The following HJURP variants were observed in gnomAD, a reference collection of about 807,000 sequenced individuals.
HJURP encodes the protein Holliday junction recognition protein, also known as 14-3-3-associated AKT substrate.
HJURP carries 49 observed loss-of-function variants against 72.0 expected under a neutral mutation model. The observed-to-expected ratio is 0.68, with a 90% CI of 0.54 to 0.86. The LOEUF is 0.86. Ranked by LOEUF, HJURP falls within the 40% of genes least tolerant of loss-of-function variation. The pLI is 0.00. For synonymous variants in HJURP, 357 were observed against 347.1 expected, an observed-to-expected ratio of 1.03 and a Z score of -0.32; for missense variants, 908 against 936.3, an observed-to-expected ratio of 0.97 and a Z score of 0.39.
At position 233,837,285 on chromosome 2, in the gene HJURP, AAAACAAAC is replaced by A. The variant is rs76861089; in HGVS notation, c.*284_*291del. ...TGGGCGATAGAGAGAGACTGTCTCA[AAAACAAAC>A]AAACAAACAAACAAACAAACAAATA... On this transcript the variant is annotated 3_prime_UTR_variant, in exon 9 of 9. Transcript: ENST00000411486. 0.23 allele frequency: 65,267 copies of A among 281,672 alleles called. 10,469 individuals carry two copies. Among genetic ancestry groups the A allele is most frequent in the South Asian group, 0.35 (7,231 of 20,722 alleles). 17.4% of individuals were successfully genotyped at this position (281,672 alleles called of 1,614,324 possible).
At chr2:233,852,668 A>C in intron 2 of HJURP, 48 bp from the exon 3 acceptor site, 2 of 1,369,078 alleles carry the variant, frequency 1.5e-6, no homozygotes, top group South Asian at 2.3e-5. Context: ...CTGAACGCTG[A>C]ACTTCTGCTC....
At position 233,837,383 on chromosome 2, in the gene HJURP, C is replaced by G. The variant is rs574959557; in HGVS notation, c.*194G>C. On this transcript the variant is annotated 3_prime_UTR_variant, in exon 9 of 9. Transcript: ENST00000411486. ...CCTATCAAAGAGAACCCTAAAAATTCTAATTGAGCAACTTTATTCACATAA... is the reference window on the plus strand; with the variant it reads ...CCTATCAAAGAGAACCCTAAAAATTGTAATTGAGCAACTTTATTCACATAA... 4.5e-5 allele frequency: 19 copies of G among 419,878 alleles called. No homozygotes were observed. Among genetic ancestry groups the G allele is most frequent in the African/African-American group, 3.0e-4 (14 of 46,772 alleles). 26.0% of individuals were successfully genotyped at this position (419,878 alleles called of 1,614,324 possible).
chr2:233,842,078 G>A lies in HJURP; in HGVS notation c.702C>T (p.Leu234=). 6.2e-7 allele frequency: 1 copy of A among 1,614,230 alleles called. No individual in the cohort carries two copies. Among genetic ancestry groups the A allele is most frequent in the Non-Finnish European group, 8.5e-7 (1 of 1,180,036 alleles). ...TGCTGCTACTGGTCTCTTGTAGGGA[G>A]AGGCTGTCATTTCTAGGTACTAAGG... The part of the protein sequence containing the change: ...DMALVPRNDS[L]SLQETSSSSF... The change falls in exon 8 of 9, where the codon CTC becomes CTT. Residue 234 remains leucine (L), a synonymous_variant. Transcript: ENST00000411486.
At position 233,854,380 on chromosome 2, in the gene HJURP, G is replaced by T; in HGVS notation, c.117+4C>A. On this transcript the variant is annotated splice_donor_region_variant and intron_variant, in intron 1 of 8. Transcript: ENST00000411486. ...CCCTCCCGGCGGACCGGCGGGGGCC[G>T]CACCTTCTCTATCAGCCGCTGCATG... The T allele has an allele frequency of 6.4e-7, 1 of 1,572,864 alleles. No homozygotes were observed. The highest frequency in any genetic ancestry group is 8.6e-7 in the Non-Finnish European group (1 of 1,160,692).
At position 233,841,226 on chromosome 2, in the gene HJURP, G is replaced by A. The variant is rs773409086; in HGVS notation, c.1554C>T (p.Ser518=). ...TCTTTGGAAGTGATGAAGATGAATC[G>A]CTCTTGGGCAGGCACCTACCTGCTT... is the stretch of plus-strand genomic sequence containing the variant. ...SLEAGRCLPK[S]DSSSSLPKTN... is the part of the protein sequence containing the mutation. The change falls in exon 8 of 9, where the codon AGC becomes AGT. Residue 518 remains serine (S), a synonymous_variant. Coordinates refer to ENST00000411486, the MANE Select transcript of HJURP (RefSeq NM_018410.5). The A allele has an allele frequency of 1.2e-5, 19 of 1,614,134 alleles. No individual in the cohort carries two copies. In the East Asian group the frequency reaches 3.3e-4, roughly 28 times the overall value.
At chr2:233,847,311 G>T in intron 5 of HJURP, 86 bp downstream of exon 5, 1 of 1,029,860 alleles carries the variant, frequency 9.7e-7, no homozygotes, top group Non-Finnish European at 1.5e-6. Flanking sequence ...AGGCAGCGCT[G>T]CCCGCCTCAG....
In HJURP at chr2:233,840,702, C is replaced by T. The variant is rs748409832; in HGVS notation, c.2078G>A (p.Arg693His). 53 of 1,613,922 alleles carry T rather than the reference C, an allele frequency of 3.3e-5. No homozygotes were observed. The East Asian group carries it at 4.2e-4, about 13-fold the overall frequency. ...PRLSEPQGSG[R>H]QGNSLGASDG... is the part of the protein sequence containing the mutation. ...TGAGGCACCCAGGGAATTGCCCTGGCGTCCGGAGCCCTGGGGTTCTGATAG... is the reference window on the plus strand; with the variant it reads ...TGAGGCACCCAGGGAATTGCCCTGGTGTCCGGAGCCCTGGGGTTCTGATAG... Residue 693 changes from arginine to histidine, a missense_variant, in exon 8 of 9, where the codon CGC becomes CAC. Arg to His is a conservative substitution (Grantham distance 29). This residue lies in a region of HJURP where 598 missense variants were observed against 619.5 expected (regional missense o/e 0.97). Transcript: ENST00000411486.
chr2:233,852,678 C>A, intron 2 of HJURP, 58 bp from the exon 3 acceptor site: 1 of 1,296,906 alleles, frequency 7.7e-7, no homozygotes, highest in South Asian at 1.2e-5. Context: ...AACTTCTGCT[C>A]AATCTGTGTT....
In HJURP at chr2:233,846,436, A is replaced by T. The variant is rs983362008; in HGVS notation, c.403-616T>A. ...CACCGCACTCCAGCCTGGGTGACAG[A>T]GTGAAACTCCATCTCAAAAGAACCA... is the stretch of plus-strand genomic sequence containing the variant. On this transcript the variant is annotated intron_variant, in intron 5 of 8. Coordinates refer to ENST00000411486, the MANE Select transcript of HJURP (RefSeq NM_018410.5). The surrounding 1 kb of genome is among the most constrained non-coding windows in gnomAD (Gnocchi z 4.3). Among the ~76,000 whole-genome samples, 1 of 152,166 alleles carries T rather than the reference A, an allele frequency of 6.6e-6. No individual in the cohort carries two copies. Among genetic ancestry groups the T allele is most frequent in the African/African-American group, 2.4e-5 (1 of 41,434 alleles).
At position 233,854,490 on chromosome 2, in the gene HJURP, G is replaced by A. The variant is rs374800251; in HGVS notation, c.11C>T (p.Thr4Met). 1.7e-5 allele frequency: 27 copies of A among 1,611,426 alleles called. No individual in the cohort carries two copies. In the East Asian group the frequency reaches 2.9e-4, roughly 17 times the overall value. ...GTCCTCGCCCTCCATGGCGCGCAGC[G>A]TACCCAGCATCGGACCCAGCCAGTA... Reference protein sequence around the residue: MLGTLRAMEGEDVE... With the variant: MLGMLRAMEGEDVE... Residue 4 changes from threonine (T) to methionine (M), a missense_variant, in exon 1 of 9, where the codon ACG (threonine) becomes ATG (methionine). By Grantham distance (81) the Thr-to-Met change is moderately conservative (BLOSUM62 -1). Transcript: ENST00000411486.
chr2:233,847,616 G>C (rs1327791547), intron 4 of HJURP, among the ~76,000 whole-genome samples, 155 bp from the exon 5 acceptor site: 1 of 152,158 alleles, frequency 6.6e-6, no homozygotes, highest in African/African-American at 2.4e-5. Flanking sequence ...GGCTGCCCGT[G>C]GTTCTTAGTA....
chr2:233,840,773 C>T lies in HJURP; in HGVS notation c.2007G>A (p.Thr669=), dbSNP rs371896348. The T allele has an allele frequency of 3.4e-5, 55 of 1,612,940 alleles. No individual in the cohort carries two copies. Among genetic ancestry groups the T allele is most frequent in the Admixed American group, 2.2e-4 (13 of 59,816 alleles). ...ACTGATGGTCCCTCGTGCCATCCCT[C>T]GTGATGGCACGAGCAACACATGTAG... ...PSSTCVARAI[T]RDGTRDHQFP... is the part of the protein sequence containing the mutation. The change falls in exon 8 of 9, where the codon ACG becomes ACA. Residue 669 remains threonine, a synonymous_variant. Coordinates refer to ENST00000411486, the MANE Select transcript of HJURP (RefSeq NM_018410.5).
intron 3 of HJURP, among the ~76,000 whole-genome samples, chr2:233,850,858 G>A (rs1705480479): frequency 6.6e-6 from 1 of 152,186 alleles, no homozygotes; most frequent in Non-Finnish European, 1.5e-5. Flanking sequence ...CAGAACCCAG[G>A]CATTGTGTTA....
In HJURP at chr2:233,841,055, A is replaced by T; in HGVS notation, c.1725T>A (p.Asn575Lys). ...PDKEVPGHGR[N>K]RYDEIKEEFD... is the part of the protein sequence containing the mutation. The stretch of plus-strand genomic sequence containing the variant: ...ATTCTTCTTTAATTTCATCGTAACG[A>T]TTCCTTCCGTGGCCTGGCACTTCTT... The change falls in exon 8 of 9, where the codon AAT becomes AAA. Residue 575 changes from asparagine to lysine, a missense_variant. Physicochemically the swap from Asn to Lys is moderately conservative, Grantham distance 94. Around this residue, in one of 3 missense-constraint regions of HJURP, gnomAD observed 598 missense variants for 619.5 expected, o/e 0.97. Coordinates refer to ENST00000411486, the MANE Select transcript of HJURP (RefSeq NM_018410.5). 1 of 1,614,144 alleles carries T rather than the reference A, an allele frequency of 6.2e-7. No homozygotes were observed. Among genetic ancestry groups the T allele is most frequent in the South Asian group, 1.1e-5 (1 of 91,076 alleles).
At chr2:233,843,703 G>C (rs1705287015) in intron 7 of HJURP, among the ~76,000 whole-genome samples, 1 of 152,184 alleles carries the variant, frequency 6.6e-6, no homozygotes, top group Non-Finnish European at 1.5e-5. Flanking sequence ...AGGCTGCAAA[G>C]GACGTCACTG....
Position 233,849,784 on chromosome 2 carries a change from G to T in HJURP, c.316C>A (p.His106Asn). 6.4e-7 allele frequency: 1 copy of T among 1,553,806 alleles called. No individual in the cohort carries two copies. The highest frequency in any genetic ancestry group is 1.2e-5 in the South Asian group (1 of 84,190). The change falls in exon 4 of 9, where the codon CAC (histidine) becomes AAC (asparagine). Residue 106 changes from histidine to asparagine, a missense_variant. This residue lies in a region of HJURP where 299 missense variants were observed against 286.7 expected (regional missense o/e 1.04). Coordinates refer to ENST00000411486, the MANE Select transcript of HJURP (RefSeq NM_018410.5). ...TCACCGGCTCCCAGGACTGTGCGGTGCGAGGGAAGCTCAGGACCCCAGGCT... is the reference window on the plus strand; with the variant it reads ...TCACCGGCTCCCAGGACTGTGCGGTTCGAGGGAAGCTCAGGACCCCAGGCT... ...AAAWGPELPS[H>N]RTVLGADSKS...
Position 233,841,898 on chromosome 2 carries a change from G to T in HJURP, c.882C>A (p.Asn294Lys). The T allele has an allele frequency of 6.2e-7, 1 of 1,614,180 alleles. No individual in the cohort carries two copies. The highest frequency in any genetic ancestry group is 1.1e-5 in the South Asian group (1 of 91,088). Residue 294 changes from asparagine (N) to lysine (K), a missense_variant, in exon 8 of 9, where the codon AAC becomes AAA. Physicochemically the swap from Asn to Lys is moderately conservative, Grantham distance 94. This residue lies in a region of HJURP where 598 missense variants were observed against 619.5 expected (regional missense o/e 0.97). Transcript: ENST00000411486. ...STKTFIMQNW[N>K]SRRRHRYKSR... Reference sequence around the variant, plus strand: ...TCTTATATCTGTGCCTCCTCCTGGAGTTCCAGTTTTGCATGATGAACGTTT... The same window carrying T: ...TCTTATATCTGTGCCTCCTCCTGGATTTCCAGTTTTGCATGATGAACGTTT...
intron 7 of HJURP, 23 bp downstream of exon 7, chr2:233,844,182 T>C: frequency 6.2e-7 from 1 of 1,608,380 alleles, no homozygotes; most frequent in Non-Finnish European, 8.5e-7. Flanking sequence ...GCACTGTTCA[T>C]ACAGTTTCTA....
intron 3 of HJURP, among the ~76,000 whole-genome samples, chr2:233,850,118 G>C (rs1051959958): frequency 2.0e-5 from 3 of 152,292 alleles, no homozygotes; most frequent in African/African-American, 2.4e-5. Context: ...AGGGGCCCAG[G>C]CACGAGCAGA....
Sources: allele counts gnomAD v4.1 joint callset (sites outside exome capture counted in the v4.1 genomes callset), GRCh38; gene constraint gnomAD v4.1.1; regional missense constraint gnomAD v4.1.1; non-coding constraint Gnocchi (gnomAD v3.1); transcripts MANE v1.5; gene names NCBI Gene and HGNC (gene_info 2026-07-23, HGNC 2026-07-21).